The following LGR6 variants were observed in gnomAD, a reference collection of about 807,000 sequenced individuals.
The protein encoded by LGR6 is leucine-rich repeat-containing G protein-coupled receptor 6.
Under a neutral mutation model 69.4 loss-of-function variants are expected in LGR6, and 45 were observed. That is an observed-to-expected ratio of 0.65 (90% CI 0.51 to 0.83). The LOEUF (loss-of-function observed/expected upper bound fraction) is 0.83. Among genes scored for constraint, LGR6 ranks in the 40% least tolerant of loss-of-function variants. The pLI, the probability that LGR6 is intolerant of heterozygous loss-of-function variation, is 0.00. For synonymous variants in LGR6, 538 were observed against 555.0 expected, an observed-to-expected ratio of 0.97 and a Z score of 0.43; for missense variants, 1,108 against 1,246.7, an observed-to-expected ratio of 0.89 and a Z score of 1.68.
Position 202,318,455 on chromosome 1 carries a change from C to T in LGR6, c.2152C>T (p.Leu718=), listed in dbSNP as rs1654343760. 6.2e-7 allele frequency: 1 copy of T among 1,613,170 alleles called. No homozygotes were observed. Among genetic ancestry groups the T allele is most frequent in the Non-Finnish European group, 8.5e-7 (1 of 1,179,782 alleles). Residue 718 remains leucine, a synonymous_variant, in exon 18 of 18, where the codon CTG becomes TTG. Coordinates refer to ENST00000367278, the MANE Select transcript of LGR6 (RefSeq NM_001017403.2). ...AGAATACGGGGCCTCCCCACTCTGCCTGCCCTACGCGCCACCTGAGGGTCA... is the reference window on the plus strand; with the variant it reads ...AGAATACGGGGCCTCCCCACTCTGCTTGCCCTACGCGCCACCTGAGGGTCA... ...VGEYGASPLC[L]PYAPPEGQPA... is the part of the protein sequence containing the mutation.
At chr1:202,256,534 C>T (rs920273920) in intron 4 of LGR6, among the ~76,000 whole-genome samples, 11 of 152,222 alleles carry the variant, frequency 7.2e-5, no homozygotes, top group East Asian at 1.9e-4. Context: ...TGAGCCACCG[C>T]GCCTGACCAC....
chr1:202,197,239 T>C, intron 1 of LGR6: 1 of 428,252 alleles, frequency 2.3e-6, no homozygotes, highest in Non-Finnish European at 4.8e-6. Context: ...GGTAGGTGCT[T>C]CCACCTCTCC....
At chr1:202,280,075 T>C (rs999946984) in intron 5 of LGR6, among the ~76,000 whole-genome samples, 7 of 152,270 alleles carry the variant, frequency 4.6e-5, no homozygotes, top group African/African-American at 1.4e-4. Flanking sequence ...TCTGGCTTTC[T>C]GTTTCCCTGT....
rs148545916 is a variant in LGR6 at position 202,220,848 on chromosome 1, GAC to G, written c.213-4559_213-4558del. Among the ~76,000 whole-genome samples the G allele has an allele frequency of 3.6e-3, 534 of 150,234 alleles. 8 individuals are homozygous for G. The highest frequency in any genetic ancestry group is 0.012 in the African/African-American group (510 of 41,008). On this transcript the variant is annotated intron_variant, in intron 1 of 17. Coordinates refer to ENST00000367278, the MANE Select transcript of LGR6 (RefSeq NM_001017403.2). Reference sequence around the variant, plus strand: ...AAGCAGATCTTAAATGCTCCTATCAGACACACACACACACACAAACACATACA... The same window carrying G: ...AAGCAGATCTTAAATGCTCCTATCAGACACACACACACACAAACACATACA...
intron 5 of LGR6, among the ~76,000 whole-genome samples, chr1:202,279,359 G>T (rs575051940): frequency 1.3e-5 from 2 of 152,254 alleles, no homozygotes; most frequent in South Asian, 2.1e-4. Flanking sequence ...CCCCAGGCTC[G>T]CAGGAGTCCC....
At chr1:202,272,070 AG>A (rs1286479506) in intron 4 of LGR6, among the ~76,000 whole-genome samples, 2 of 152,192 alleles carry the variant, frequency 1.3e-5, no homozygotes, top group African/African-American at 2.4e-5. Flanking sequence ...ACATCACAGG[AG>A]CCCCCTGGGT....
chr1:202,305,073 C>A (rs1424261307), intron 11 of LGR6, among the ~76,000 whole-genome samples: 1 of 152,080 alleles, frequency 6.6e-6, no homozygotes, highest in African/African-American at 2.4e-5. Context: ...ATCTGAGGCT[C>A]CTCATCAGGG....
chr1:202,203,934 G>C, intron 1 of LGR6: 1 of 1,215,156 alleles, frequency 8.2e-7, no homozygotes, highest in South Asian at 1.2e-5. Flanking sequence ...GAGGGGGTGC[G>C]ATTTTATTTC....
At chr1:202,199,509 G>T (rs1264648585) in intron 1 of LGR6, among the ~76,000 whole-genome samples, 3 of 152,216 alleles carry the variant, frequency 2.0e-5, no homozygotes, top group African/African-American at 7.2e-5. Context: ...GCGCGGCCGG[G>T]TGGGGCGGCT....
chr1:202,273,646 G>A (rs975567131), intron 4 of LGR6, among the ~76,000 whole-genome samples: 2 of 151,550 alleles, frequency 1.3e-5, no homozygotes, highest in Admixed American at 6.6e-5. Context: ...TAGTAGAGAC[G>A]GGGTTTCGCT....
At chr1:202,308,930 C>A in intron 14 of LGR6, 121 bp from the exon 15 acceptor site, 1 of 1,228,514 alleles carries the variant, frequency 8.1e-7, no homozygotes, top group East Asian at 2.4e-5. Context: ...AAGCTTCTCT[C>A]CTGTCCTTTG....
Position 202,319,093 on chromosome 1 carries a change from C to T in LGR6, c.2790C>T (p.Pro930=). Residue 930 remains proline, a synonymous_variant, in exon 18 of 18, where the codon CCC becomes CCT. Coordinates refer to ENST00000367278, the MANE Select transcript of LGR6 (RefSeq NM_001017403.2). ...GGAACCACTTTGGGAACCCCCAACC[C>T]TCCATGGATGGAGAACTGCTGCTGA... The part of the protein sequence containing the change: ...PEGNHFGNPQ[P]SMDGELLLRA... The T allele has an allele frequency of 6.2e-7, 1 of 1,614,234 alleles. No homozygotes were observed. The highest frequency in any genetic ancestry group is 8.5e-7 in the Non-Finnish European group (1 of 1,180,030).
chr1:202,289,796 A>G (rs1241897974), intron 6 of LGR6, among the ~76,000 whole-genome samples: 1 of 152,204 alleles, frequency 6.6e-6, no homozygotes, highest in Non-Finnish European at 1.5e-5. Flanking sequence ...TCATTGTGCT[A>G]GCTTGCCTTT....
At chr1:202,275,645 GC>G (rs1205986842) in intron 4 of LGR6, among the ~76,000 whole-genome samples, 1 of 152,152 alleles carries the variant, frequency 6.6e-6, no homozygotes, top group South Asian at 2.1e-4. Context: ...GGAGCCCCTT[GC>G]CCCCTGGGCC....
chr1:202,260,365 G>A (rs946156167), intron 4 of LGR6, among the ~76,000 whole-genome samples: 10 of 151,880 alleles, frequency 6.6e-5, no homozygotes, highest in East Asian at 3.9e-4. Context: ...ACAGAGTCTC[G>A]CTCTGTCGCC....
chr1:202,205,638 TCAAA>T (rs1379313027), intron 1 of LGR6, among the ~76,000 whole-genome samples: 1 of 104,592 alleles, frequency 9.6e-6, no homozygotes, highest in Non-Finnish European at 1.9e-5. Context: ...TACACCTCCT[TCAAA>T]CACACACACA....
Position 202,239,343 on chromosome 1 carries a change from TG to T in LGR6, c.428+3352del, listed in dbSNP as rs1250247082. On this transcript the variant is annotated intron_variant, in intron 4 of 17. Coordinates refer to ENST00000367278, the MANE Select transcript of LGR6 (RefSeq NM_001017403.2). ...TTGGCTGGCTGAACTTGTGTGTGTGTGGTGTGTGTGTGTGTGTGTGTGTGTG... is the reference window on the plus strand; with the variant it reads ...TTGGCTGGCTGAACTTGTGTGTGTGTGTGTGTGTGTGTGTGTGTGTGTGTG... Among the ~76,000 whole-genome samples the T allele has an allele frequency of 1.4e-4, 14 of 100,790 alleles. No individual in the cohort carries two copies. In the South Asian group the frequency reaches 2.0e-3, roughly 14 times the overall value. 66.1% of individuals were successfully genotyped at this position (100,790 alleles called of 152,430 possible). A position where few individuals can be genotyped will look rare whatever the true frequency, so the allele number is the denominator to read the frequency against.
chr1:202,312,733 A>T (rs1477742466), intron 16 of LGR6, among the ~76,000 whole-genome samples: 1 of 152,220 alleles, frequency 6.6e-6, no homozygotes, highest in Non-Finnish European at 1.5e-5. Context: ...TTCCAGTCTG[A>T]CCTGAGAAAC....
chr1:202,312,585 C>G (rs990127950), intron 16 of LGR6, among the ~76,000 whole-genome samples: 4 of 152,164 alleles, frequency 2.6e-5, no homozygotes, highest in Non-Finnish European at 4.4e-5. Context: ...GGAACAAGTG[C>G]AACAAACAGA....
Sources: gnomAD v4.1 joint callset for allele counts (sites outside exome capture counted in the v4.1 genomes callset) on GRCh38, gnomAD v4.1.1 for gene constraint, MANE v1.5 for transcripts, NCBI Gene and HGNC (gene_info 2026-07-23, HGNC 2026-07-21) for gene names.